MRTFB: variants seen among roughly 807,000 people sequenced by gnomAD.
The protein encoded by MRTFB is myocardin-related transcription factor B.
A neutral mutation model predicts 104.2 loss-of-function variants in MRTFB; 29 were observed. The ratio of observed to expected loss-of-function variants is 0.28; its 90% CI spans 0.21 to 0.38. The LOEUF (loss-of-function observed/expected upper bound fraction) is 0.38. Among genes scored for constraint, MRTFB ranks in the 10% least tolerant of loss-of-function variants. The pLI is 1.00. For missense variants in MRTFB, 1,270 were observed against 1,341.6 expected, an observed-to-expected ratio of 0.95 and a Z score of 0.83; for synonymous variants, 535 against 519.5, an observed-to-expected ratio of 1.03 and a Z score of -0.41.
intron 3 of MRTFB, among the ~76,000 whole-genome samples, chr16:14,164,968 A>G (rs1307254410): frequency 6.6e-6 from 1 of 151,778 alleles, no homozygotes; most frequent in East Asian, 1.9e-4. Flanking sequence ...AAAAAAAACT[A>G]CCTGATATTT....
chr16:14,208,811 C>T (rs2041063930), intron 3 of MRTFB, among the ~76,000 whole-genome samples: 1 of 152,166 alleles, frequency 6.6e-6, no homozygotes, highest in African/African-American at 2.4e-5. Context: ...TGTTAGCGCA[C>T]AATTGATTGA....
intron 3 of MRTFB, among the ~76,000 whole-genome samples, chr16:14,147,645 C>A (rs1005807362): frequency 2.6e-5 from 4 of 152,138 alleles, no homozygotes; most frequent in African/African-American, 9.7e-5. Flanking sequence ...TTGTAGCTGG[C>A]AGTGAGTTTG....
intron 2 of MRTFB, among the ~76,000 whole-genome samples, chr16:14,083,797 T>C (rs1287814018): frequency 6.6e-6 from 1 of 152,214 alleles, no homozygotes; most frequent in Non-Finnish European, 1.5e-5. Context: ...TTCGAATTGA[T>C]GTTTCTGCCC....
At chr16:14,247,777 C>G in intron 12 of MRTFB, 1 of 430,620 alleles carries the variant, frequency 2.3e-6, no homozygotes, top group African/African-American at 2.0e-5. Flanking sequence ...TTTTTACACA[C>G]CAGTGACGTG....
the MRTFB span, among the ~76,000 whole-genome samples, chr16:14,011,573 C>T: frequency 6.6e-6 from 1 of 152,176 alleles, no homozygotes; most frequent in Non-Finnish European, 1.5e-5. Context: ...TTAATAAGAG[C>T]ACAGAATTCC....
chr16:14,164,929 A>G (rs981967537), intron 3 of MRTFB, among the ~76,000 whole-genome samples: 3 of 148,496 alleles, frequency 2.0e-5, no homozygotes, highest in Non-Finnish European at 3.0e-5. Flanking sequence ...TAGAAGAAGG[A>G]AAAAAAAAGC....
At chr16:14,032,642 A>G in the MRTFB span, among the ~76,000 whole-genome samples, 1 of 152,150 alleles carries the variant, frequency 6.6e-6, no homozygotes, top group Non-Finnish European at 1.5e-5. Flanking sequence ...GTTGTGGGTA[A>G]CCTGGAGACC....
At chr16:14,200,570 T>C in intron 3 of MRTFB, 1 of 1,604,122 alleles carries the variant, frequency 6.2e-7, no homozygotes, top group Non-Finnish European at 8.5e-7. Flanking sequence ...TATCTTGTTG[T>C]CATGTGACTT....
chr16:14,176,941 G>A (rs1028777518), intron 3 of MRTFB, among the ~76,000 whole-genome samples: 1 of 152,140 alleles, frequency 6.6e-6, no homozygotes, highest in Admixed American at 6.5e-5. Context: ...GACTTTCAGG[G>A]GTGGAGAGAG....
At chr16:14,124,307 T>C (rs1266579854) in intron 2 of MRTFB, among the ~76,000 whole-genome samples, 1 of 152,198 alleles carries the variant, frequency 6.6e-6, no homozygotes, top group Non-Finnish European at 1.5e-5. Flanking sequence ...CTGTGTTGAA[T>C]AGGAGTGGTG....
intron 3 of MRTFB, among the ~76,000 whole-genome samples, chr16:14,166,026 T>G (rs2039224305): frequency 6.6e-6 from 1 of 152,244 alleles, no homozygotes. Context: ...AGGACATGAT[T>G]ATTTGAAAGA....
the MRTFB span, among the ~76,000 whole-genome samples, chr16:14,008,416 T>C: frequency 6.6e-6 from 1 of 152,216 alleles, no homozygotes; most frequent in African/African-American, 2.4e-5. Flanking sequence ...TTCATTCTTT[T>C]GAATGTAGCT....
intron 8 of MRTFB, among the ~76,000 whole-genome samples, chr16:14,230,767 G>A (rs1441937963): frequency 6.6e-6 from 1 of 152,090 alleles, no homozygotes; most frequent in Admixed American, 6.5e-5. Flanking sequence ...ATTTGACCCG[G>A]CCATCCCATT....
chr16:14,077,071 A>C (rs1274880098), intron 1 of MRTFB, among the ~76,000 whole-genome samples: 1 of 152,194 alleles, frequency 6.6e-6, no homozygotes, highest in Non-Finnish European at 1.5e-5. Flanking sequence ...ACTTGTTTTT[A>C]AAAATGACTT....
chr16:14,225,951 C>G (rs915826217), intron 8 of MRTFB, among the ~76,000 whole-genome samples: 1 of 152,102 alleles, frequency 6.6e-6, no homozygotes, highest in Non-Finnish European at 1.5e-5. Flanking sequence ...TGCAGAACAC[C>G]TTGCTGTGGA....
intron 2 of MRTFB, among the ~76,000 whole-genome samples, chr16:14,108,489 A>G (rs1050767764): frequency 6.6e-6 from 1 of 152,236 alleles, no homozygotes; most frequent in African/African-American, 2.4e-5. Context: ...AATGGACAAC[A>G]TAATCATCTG....
rs1357812189 is a variant in MRTFB at position 14,071,378 on chromosome 16, C to A, written c.-129+13C>A. 1.2e-5 allele frequency: 2 copies of A among 160,368 alleles called. No homozygotes were observed. Among genetic ancestry groups the A allele is most frequent in the African/African-American group, 2.5e-5 (1 of 40,202 alleles). 9.9% of individuals were successfully genotyped at this position (160,368 alleles called of 1,614,324 possible). On this transcript the variant is annotated intron_variant, in intron 1 of 16. Coordinates refer to ENST00000571589, the MANE Select transcript of MRTFB (RefSeq NM_001308142.2). Reference sequence around the variant, plus strand: ...GGCGGCCGGGGAGGTGAGCGGCGGGCGGTGGCGGCCGTTGGGGGCTGAGGC... The same window carrying A: ...GGCGGCCGGGGAGGTGAGCGGCGGGAGGTGGCGGCCGTTGGGGGCTGAGGC...
intron 2 of MRTFB, among the ~76,000 whole-genome samples, chr16:14,087,026 A>G (rs959464916): frequency 3.3e-5 from 5 of 152,198 alleles, no homozygotes; most frequent in African/African-American, 1.2e-4. Context: ...TTGTCTTCAT[A>G]TACAGAATTT....
intron 3 of MRTFB, among the ~76,000 whole-genome samples, chr16:14,149,731 T>C: frequency 6.6e-6 from 1 of 152,362 alleles, no homozygotes; most frequent in East Asian, 1.9e-4. Flanking sequence ...AAGTTCATGA[T>C]GTAGTATATT....
Sources: gnomAD v4.1 joint callset for allele counts (sites outside exome capture counted in the v4.1 genomes callset) on GRCh38, gnomAD v4.1.1 for gene constraint, MANE v1.5 for transcripts, NCBI Gene and HGNC (gene_info 2026-07-23, HGNC 2026-07-21) for gene names.